The following PDK3 variants were observed in gnomAD, a reference collection of about 807,000 sequenced individuals.
PDK3 encodes the protein pyruvate dehydrogenase kinase, isozyme 3.
A neutral mutation model predicts 32.0 loss-of-function variants in PDK3; 12 were observed. That is an observed-to-expected ratio of 0.37 (90% CI 0.24 to 0.61). PDK3 has a LOEUF of 0.61. Among genes scored for constraint, PDK3 ranks in the 20% least tolerant of loss-of-function variants. PDK3 has a pLI of 0.65. For missense variants in PDK3, 188 were observed against 316.9 expected (o/e 0.59, Z 3.09); for synonymous variants, 122 against 116.3 (o/e 1.05, Z -0.31).
intron 3 of PDK3, among the ~76,000 whole-genome samples, chrX:24,502,620 C>T (rs569712143): frequency 5.4e-5 from 6 of 111,546 alleles, no homozygotes; most frequent in South Asian, 7.5e-4. Flanking sequence ...CTGAGGTGGG[C>T]GGATCACGAG....
At chrX:24,517,578 A>G (rs959262028) in intron 5 of PDK3, among the ~76,000 whole-genome samples, 1 of 112,723 alleles carries the variant, frequency 8.9e-6, no homozygotes, top group Non-Finnish European at 1.9e-5. Flanking sequence ...TATGCAAGTT[A>G]TGAAACAAGT....
chrX:24,469,785 G>A (rs1244187133), intron 1 of PDK3, among the ~76,000 whole-genome samples: 1 of 111,151 alleles, frequency 9.0e-6, no homozygotes, highest in Non-Finnish European at 1.9e-5. Context: ...ACATGTATAG[G>A]TAAATACATA....
intron 2 of PDK3, among the ~76,000 whole-genome samples, chrX:24,495,888 C>T (rs754491149): frequency 5.6e-4 from 63 of 112,023 alleles, no homozygotes; most frequent in Non-Finnish European, 9.6e-4. Context: ...TGGTCAAAGG[C>T]GGCTCCTTAT....
chrX:24,478,803 T>C (rs778655087), intron 1 of PDK3, among the ~76,000 whole-genome samples: 1 of 112,489 alleles, frequency 8.9e-6, no homozygotes, highest in East Asian at 2.8e-4. Flanking sequence ...ACAGTTGTGA[T>C]TTTATTTTCA....
chrX:24,546,684 A>G (rs914898693), exon 12 of PDK3: 2 of 111,749 alleles, frequency 1.8e-5, no homozygotes, highest in African/African-American at 6.5e-5. Context: ...CAGTTCCTCC[A>G]TGCCTTAGAA....
At chrX:24,475,228 G>C (rs1921084898) in intron 1 of PDK3, among the ~76,000 whole-genome samples, 3 of 109,299 alleles carry the variant, frequency 2.7e-5, no homozygotes, top group Admixed American at 9.8e-5. Flanking sequence ...TCTGCTACAA[G>C]GTGTCACCAA....
intron 9 of PDK3, among the ~76,000 whole-genome samples, chrX:24,529,405 A>G (rs1040815133): frequency 6.3e-5 from 7 of 111,844 alleles, no homozygotes; most frequent in African/African-American, 2.3e-4. Context: ...AATTAACTGC[A>G]GAGCTGGTGC....
In PDK3 at chrX:24,465,292, C is replaced by T. The variant is rs1424423408; in HGVS notation, c.-164C>T. 6 of 335,631 alleles carry T rather than the reference C, an allele frequency of 1.8e-5. No homozygotes were observed. The highest frequency in any genetic ancestry group is 6.7e-5 in the South Asian group (1 of 14,997). The allele number at this position is 335,631 out of a possible 1,213,427, so 27.7% of individuals were successfully genotyped here. ...AAGCCGCGGGCGGCCCGCCGCTGTC[C>T]TGGAGCTGCTGCTGCTGCTGCGGCG... is the stretch of plus-strand genomic sequence containing the variant. On this transcript the variant is annotated 5_prime_UTR_variant, in exon 1 of 11. Transcript: ENST00000379162.
At chrX:24,546,789 A>T (rs1238872224) in exon 12 of PDK3, 2 of 112,015 alleles carry the variant, frequency 1.8e-5, no homozygotes, top group Admixed American at 9.5e-5. Context: ...GTGTTTAATT[A>T]TCCCCAGAGG....
rs1473376983 is a variant in PDK3 at position 24,527,522 on chromosome X, T to C, written c.751-52T>C. On this transcript the variant is annotated intron_variant, in intron 7 of 10. Transcript: ENST00000379162. ...TCTTGCGCTTCTTTCTCTTTAAAAA[T>C]TGTGGTTTGTGATTCGGCAGTATGA... 3 of 729,858 alleles carry C rather than the reference T, an allele frequency of 4.1e-6. 1 individual carries two copies. In the Admixed American group the frequency reaches 1.1e-4, roughly 28 times the overall value. 60.1% of individuals were successfully genotyped at this position (729,858 alleles called of 1,213,427 possible).
intron 2 of PDK3, among the ~76,000 whole-genome samples, chrX:24,495,800 C>G (rs926093429): frequency 6.2e-5 from 7 of 112,001 alleles, no homozygotes; most frequent in Non-Finnish European, 5.6e-5. Context: ...AATCACTTGG[C>G]CTTTCTGGTG....
intron 1 of PDK3, among the ~76,000 whole-genome samples, chrX:24,478,097 G>A (rs1412257087): frequency 1.8e-5 from 2 of 111,588 alleles, no homozygotes; most frequent in Non-Finnish European, 3.8e-5. Context: ...GGGAACTGTG[G>A]ATGGGTTACG....
intron 1 of PDK3, among the ~76,000 whole-genome samples, chrX:24,470,687 CAAAA>C (rs58511156): frequency 3.8e-5 from 1 of 26,280 alleles, no homozygotes; most frequent in Non-Finnish European, 7.7e-5. Flanking sequence ...AACGGCATCT[CAAAA>C]AAAAAAAAAA....
exon 12 of PDK3, among the ~76,000 whole-genome samples, chrX:24,541,609 A>C (rs1475106969): frequency 8.9e-6 from 1 of 112,537 alleles, no homozygotes; most frequent in Admixed American, 9.4e-5. Flanking sequence ...TGTTTTCTTC[A>C]TTAAGAATTT....
intron 1 of PDK3, among the ~76,000 whole-genome samples, chrX:24,488,548 G>T (rs1447945211): frequency 9.0e-6 from 1 of 111,376 alleles, no homozygotes; most frequent in Admixed American, 9.6e-5. Flanking sequence ...AATTAGCCGG[G>T]TGTGGTGGTG....
chrX:24,525,292 C>T (rs1922496813), intron 6 of PDK3, among the ~76,000 whole-genome samples: 2 of 112,023 alleles, frequency 1.8e-5, no homozygotes, highest in African/African-American at 3.2e-5. Flanking sequence ...CTTCCCAAAG[C>T]CTGTTTCCAG....
intron 2 of PDK3, among the ~76,000 whole-genome samples, chrX:24,496,298 C>CAT (rs1302853354): frequency 2.0e-5 from 2 of 102,036 alleles, no homozygotes; most frequent in Non-Finnish European, 4.2e-5. Flanking sequence ...TCTCTGCATA[C>CAT]ACACACACAC....
At chrX:24,470,015 C>T (rs1431857377) in intron 1 of PDK3, among the ~76,000 whole-genome samples, 1 of 111,332 alleles carries the variant, frequency 9.0e-6, no homozygotes, top group Non-Finnish European at 1.9e-5. Flanking sequence ...TGCATTAGAT[C>T]TCTAGACCTT....
intron 5 of PDK3, among the ~76,000 whole-genome samples, chrX:24,514,325 T>A (rs1922199694): frequency 8.9e-6 from 1 of 112,044 alleles, no homozygotes; most frequent in Non-Finnish European, 1.9e-5. Context: ...GAGCCACACC[T>A]GCAGTTTTGT....
Sources: allele counts gnomAD v4.1 joint callset (sites outside exome capture counted in the v4.1 genomes callset), GRCh38; gene constraint gnomAD v4.1.1; transcripts MANE v1.5; gene names NCBI Gene and HGNC (gene_info 2026-07-23, HGNC 2026-07-21).